Variants in PTP4A1 observed in about 807,000 individuals in gnomAD.
PTP4A1 encodes protein tyrosine phosphatase 4A1.
Under a neutral mutation model 20.5 loss-of-function variants are expected in PTP4A1, and 9 were observed. That is an observed-to-expected ratio of 0.44 (90% confidence interval 0.26 to 0.77). The LOEUF (loss-of-function observed/expected upper bound fraction) is 0.77, where lower values mean the gene tolerates loss of function less well. Ranked by LOEUF, PTP4A1 falls within the 30% of genes least tolerant of loss-of-function variation. PTP4A1 has a pLI of 0.19. For synonymous variants in PTP4A1, 78 were observed against 67.4 expected (o/e 1.16, Z -0.77); for missense variants, 137 against 218.8 (o/e 0.63, Z 2.36).
chr6:63,577,224 A>ACC (rs1225436046), intron 2 of PTP4A1, among the ~76,000 whole-genome samples: 30 of 152,362 alleles, frequency 2.0e-4, no homozygotes, highest in African/African-American at 7.0e-4. Flanking sequence ...TGTGGACAGT[A>ACC]AAACAGTATA....
intron 1 of PTP4A1, among the ~76,000 whole-genome samples, chr6:63,525,051 A>G (rs1306120471): frequency 6.6e-6 from 1 of 152,224 alleles, no homozygotes; most frequent in Non-Finnish European, 1.5e-5. Context: ...GCTTAGACAG[A>G]CTAGAGCAGC....
At chr6:63,534,146 C>A (rs1775598357) in intron 2 of PTP4A1, among the ~76,000 whole-genome samples, 1 of 151,874 alleles carries the variant, frequency 6.6e-6, no homozygotes, top group South Asian at 2.1e-4. Context: ...CCCAGCCGAA[C>A]AAACATTTTT....
Position 63,580,263 on chromosome 6 carries a change from C to A in PTP4A1, c.*89C>A, listed in dbSNP as rs1363187862. 9.3e-7 allele frequency: 1 copy of A among 1,074,206 alleles called. No homozygotes were observed. The highest frequency in any genetic ancestry group is 1.4e-6 in the Non-Finnish European group (1 of 708,656). 66.5% of individuals were successfully genotyped at this position (1,074,206 alleles called of 1,614,324 possible). On this transcript the variant is annotated 3_prime_UTR_variant, in exon 6 of 6. Transcript: ENST00000626021. ...TAGCCAACATGTTGGCTTAGTAAGT[C>A]TAATGAAGCTTCCATAGGAGTATTG...
Position 63,548,809 on chromosome 6 carries a change from G to A in PTP4A1, c.-639-1491G>A, listed in dbSNP as rs190733732. On this transcript the variant is annotated intron_variant, in intron 2 of 3. Coordinates refer to the PTP4A1 transcript ENST00000639568. The stretch of plus-strand genomic sequence containing the variant: ...AGGACATTGCCTCCCCAGTGACGGC[G>A]GATCTCATTGTATCTGTCATTGTAG... The A allele has an allele frequency of 2.3e-4, 169 of 738,354 alleles. 1 individual carries two copies. The highest frequency in any genetic ancestry group is 4.2e-4 in the Admixed American group (23 of 54,794). The allele number at this position is 738,354 out of a possible 1,614,324, so 45.7% of individuals were successfully genotyped here. A position where few individuals can be genotyped will look rare whatever the true frequency, so the allele number is the denominator to read the frequency against.
intron 3 of PTP4A1, among the ~76,000 whole-genome samples, chr6:63,551,687 TC>T (rs1776450825): frequency 9.2e-6 from 1 of 108,846 alleles, no homozygotes; most frequent in Admixed American, 1.0e-4. Context: ...CCCTCCCCCC[TC>T]CCCCTACCCC....
At chr6:63,573,022 G>T (rs1011606512) in intron 1 of PTP4A1, among the ~76,000 whole-genome samples, 77 of 152,010 alleles carry the variant, frequency 5.1e-4, no homozygotes, top group African/African-American at 1.7e-3. Context: ...CTTCTGCGGC[G>T]GCCGGGGGCA....
chr6:63,540,627 A>C (rs553148542), intron 2 of PTP4A1, among the ~76,000 whole-genome samples: 59 of 152,126 alleles, frequency 3.9e-4, no homozygotes, highest in African/African-American at 1.4e-3. Context: ...CCTGTATCAC[A>C]AATGAAAAAA....
At chr6:63,572,304 C>A (rs924832682), upstream of PTP4A1, 5 of 216,000 alleles carry the variant, frequency 2.3e-5, no homozygotes, top group South Asian at 1.8e-4. Context: ...CGACTCGGCG[C>A]TTAGCCATTC....
chr6:63,525,897 G>C (rs1006576943), intron 1 of PTP4A1, among the ~76,000 whole-genome samples: 2 of 152,152 alleles, frequency 1.3e-5, no homozygotes, highest in African/African-American at 4.8e-5. Context: ...TTGAGTTCTA[G>C]TGAGTTGGGA....
intron 1 of PTP4A1, chr6:63,573,327 G>C (rs1351818994): frequency 6.6e-6 from 1 of 152,376 alleles, no homozygotes; most frequent in East Asian, 1.9e-4. Context: ...AGCCAGGCAC[G>C]GGTGGTAACG....
chr6:63,556,086 TTTTCAAGTTCACA>T (rs1776675115), intron 3 of PTP4A1, among the ~76,000 whole-genome samples: 1 of 152,138 alleles, frequency 6.6e-6, no homozygotes, highest in Admixed American at 6.5e-5. Flanking sequence ...ATTACTCCAG[TTTTCAAGTTCACA>T]TTTTGCAAAT....
chr6:63,570,497 A>G (rs1234772831), upstream of PTP4A1, among the ~76,000 whole-genome samples: 1 of 152,252 alleles, frequency 6.6e-6, no homozygotes, highest in African/African-American at 2.4e-5. Context: ...CTTGATGAGC[A>G]TAGCTGACTG....
At chr6:63,569,808 A>C (rs1777344067), upstream of PTP4A1, among the ~76,000 whole-genome samples, 1 of 152,174 alleles carries the variant, frequency 6.6e-6, no homozygotes, top group African/African-American at 2.4e-5. Context: ...GATGTCTGGA[A>C]GCACTATTTT....
At chr6:63,529,382 T>A (rs995462960) in intron 2 of PTP4A1, among the ~76,000 whole-genome samples, 1 of 150,200 alleles carries the variant, frequency 6.7e-6, no homozygotes, top group Non-Finnish European at 1.5e-5. Context: ...ATTTCCTACA[T>A]CAATTCAAGC....
chr6:63,540,928 C>G (rs190264098), intron 2 of PTP4A1, among the ~76,000 whole-genome samples: 1 of 150,186 alleles, frequency 6.7e-6, no homozygotes, highest in South Asian at 2.1e-4. Flanking sequence ...ACTAGAACCC[C>G]GGGGGCGGAG....
intron 3 of PTP4A1, among the ~76,000 whole-genome samples, chr6:63,559,839 C>G (rs1230980939): frequency 6.6e-6 from 1 of 152,124 alleles, no homozygotes; most frequent in Non-Finnish European, 1.5e-5. Flanking sequence ...TTTGCCCAGG[C>G]TGGTTTCGAA....
chr6:63,572,821 G>T, intron 1 of PTP4A1, 102 bp downstream of exon 1: 1 of 396,128 alleles, frequency 2.5e-6, no homozygotes, highest in Non-Finnish European at 4.5e-6. Context: ...CCTCCAGGTT[G>T]CCCCGGGTTG....
At chr6:63,517,756 A>T (rs935738614), upstream of PTP4A1, among the ~76,000 whole-genome samples, 2 of 152,338 alleles carry the variant, frequency 1.3e-5, no homozygotes, top group African/African-American at 4.8e-5. Context: ...AAAATTAAGG[A>T]GCAGCCTTCC....
At chr6:63,540,478 G>A (rs1431913810) in intron 2 of PTP4A1, among the ~76,000 whole-genome samples, 10 of 151,706 alleles carry the variant, frequency 6.6e-5, no homozygotes, top group African/African-American at 1.9e-4. Context: ...AAAATTAGCC[G>A]GGTGTGGTGG....
Sources: gnomAD v4.1 joint callset for allele counts (sites outside exome capture counted in the v4.1 genomes callset) on GRCh38, gnomAD v4.1.1 for gene constraint, MANE v1.5 for transcripts, NCBI Gene and HGNC (gene_info 2026-07-23, HGNC 2026-07-21) for gene names.